The following ADD1 variants were observed in gnomAD, a reference collection of about 807,000 sequenced individuals.
ADD1 encodes adducin 1, also known as alpha-adducin.
Under a neutral mutation model 80.5 loss-of-function variants are expected in ADD1, and 24 were observed. The observed-to-expected ratio is 0.30, with a 90% CI of 0.22 to 0.42. ADD1 has a LOEUF of 0.42. ADD1 is among the 10% of genes least tolerant of loss of function. The pLI, the probability that ADD1 is intolerant of heterozygous loss-of-function variation, is 1.00. For synonymous variants in ADD1, 373 were observed against 393.8 expected, an observed-to-expected ratio of 0.95 and a Z score of 0.63; for missense variants, 948 against 1,019.0, an observed-to-expected ratio of 0.93 and a Z score of 0.95.
chr4:2,914,836 C>T (rs1238417607), intron 13 of ADD1, 48 bp from the exon 14 acceptor site: 1 of 1,540,728 alleles, frequency 6.5e-7, no homozygotes, highest in Non-Finnish European at 8.7e-7. Flanking sequence ...GAGGGAGAGT[C>T]CCCATCGGGC....
At chr4:2,859,001 C>T (rs986480737) in intron 1 of ADD1, among the ~76,000 whole-genome samples, 3 of 152,152 alleles carry the variant, frequency 2.0e-5, no homozygotes, top group Non-Finnish European at 4.4e-5. Context: ...ATGAAGTGAT[C>T]GTAGGGCGTT....
intron 13 of ADD1, among the ~76,000 whole-genome samples, chr4:2,910,593 G>A (rs1163682941): frequency 6.6e-6 from 1 of 151,938 alleles, no homozygotes; most frequent in Non-Finnish European, 1.5e-5. Context: ...CATGAGCCCA[G>A]CTGGCCTCCT....
chr4:2,911,272 C>T (rs1737974094), intron 13 of ADD1, among the ~76,000 whole-genome samples: 1 of 152,066 alleles, frequency 6.6e-6, no homozygotes, highest in African/African-American at 2.4e-5. Context: ...CTTTCCTTTG[C>T]CTTCCATTTC....
At chr4:2,881,820 A>G (rs760130500) in intron 2 of ADD1, 78 bp from the exon 3 acceptor site, 62 of 1,340,416 alleles carry the variant, frequency 4.6e-5, no homozygotes, top group Non-Finnish European at 5.6e-5. Flanking sequence ...AAATTGGTCT[A>G]TGTGATAGCT....
chr4:2,899,317 A>C lies in ADD1; in HGVS notation c.1043A>C (p.Lys348Thr), dbSNP rs767342840. The C allele has an allele frequency of 6.2e-6, 10 of 1,614,222 alleles. No individual in the cohort carries two copies. The highest frequency in any genetic ancestry group is 8.5e-6 in the Non-Finnish European group (10 of 1,180,042). ...AACTTAGTCCTGCTGAATCCTGAGA[A>C]GTACAAAGCCAAGTCCCGTTCCCCA... ...PDNLVLLNPE[K>T]YKAKSRSPGS... The change falls in exon 9 of 16, where the codon AAG (lysine) becomes ACG (threonine). Residue 348 changes from lysine to threonine, a missense_variant. Physicochemically the swap from Lys to Thr is moderately conservative, Grantham distance 78 (BLOSUM62 -1). Coordinates refer to ENST00000683351, the MANE Select transcript of ADD1 (RefSeq NM_001354761.2).
At chr4:2,889,685 A>G (rs1332577659) in intron 4 of ADD1, among the ~76,000 whole-genome samples, 1 of 152,062 alleles carries the variant, frequency 6.6e-6, no homozygotes, top group African/African-American at 2.4e-5. Flanking sequence ...TTGGCCAGGC[A>G]TGGTGGTGTG....
chr4:2,898,035 G>GT, intron 6 of ADD1, 149 bp from the exon 7 acceptor site: 1 of 1,074,456 alleles, frequency 9.3e-7, no homozygotes. Flanking sequence ...TGGAAACCAA[G>GT]TTTGTCTTAA....
chr4:2,898,102 C>G, intron 6 of ADD1, 82 bp from the exon 7 acceptor site: 1 of 1,454,410 alleles, frequency 6.9e-7, no homozygotes, highest in South Asian at 1.4e-5. Flanking sequence ...CATTTTATTT[C>G]TGTGAGGAAA....
rs373130926 is a variant in ADD1, at chr4:2,904,714, T to C, written c.1162-50T>C. 8 of 1,531,708 alleles carry C rather than the reference T, an allele frequency of 5.2e-6. No homozygotes were observed. In the African/African-American group the frequency reaches 9.6e-5, roughly 18 times the overall value. 94.9% of individuals were successfully genotyped at this position (1,531,708 alleles called of 1,614,324 possible). A position where few individuals can be genotyped will look rare whatever the true frequency, so the allele number is the denominator to read the frequency against. Reference sequence around the variant, plus strand: ...CACATGATTTTCCAAAGTGAAACCCTGTTTTGAGATCTGGAATATTGACTG... The same window carrying C: ...CACATGATTTTCCAAAGTGAAACCCCGTTTTGAGATCTGGAATATTGACTG... On this transcript the variant is annotated intron_variant, in intron 9 of 15. Transcript: ENST00000683351.
chr4:2,882,189 G>A (rs1232533930), intron 3 of ADD1, 129 bp downstream of exon 3: 4 of 885,172 alleles, frequency 4.5e-6, no homozygotes, highest in Non-Finnish European at 6.6e-6. Context: ...GAAAATTAAT[G>A]TGTTTTCGTT....
At chr4:2,885,692 C>T (rs1733159519) in intron 4 of ADD1, among the ~76,000 whole-genome samples, 1 of 151,892 alleles carries the variant, frequency 6.6e-6, no homozygotes, top group Non-Finnish European at 1.5e-5. Flanking sequence ...TCACTGCAAG[C>T]TCCGCCTCCC....
intron 4 of ADD1, among the ~76,000 whole-genome samples, chr4:2,885,452 C>T (rs1733100182): frequency 6.6e-6 from 1 of 152,144 alleles, no homozygotes; most frequent in East Asian, 1.9e-4. Flanking sequence ...AGACTCCTGA[C>T]CTCCTTCTTC....
At chr4:2,876,136 C>A in intron 2 of ADD1, 26 bp downstream of exon 2, 2 of 1,593,102 alleles carry the variant, frequency 1.3e-6, no homozygotes, top group Non-Finnish European at 1.7e-6. Context: ...TTTTCTCTGA[C>A]CAGATGTCAT....
At chr4:2,876,871 G>A (rs1238253359) in intron 2 of ADD1, among the ~76,000 whole-genome samples, 2 of 151,544 alleles carry the variant, frequency 1.3e-5, no homozygotes, top group African/African-American at 4.8e-5. Context: ...GCATAGTGGC[G>A]CATGCCTGTA....
rs550266419 is a variant in ADD1 at position 2,926,000 on chromosome 4, T to C, written c.1949-14T>C. ...GTCCACAGCTCCTACCATATCCTTC[T>C]TGCTTCTCTGCAGAGAATCTGGACG... On this transcript the variant is annotated splice_polypyrimidine_tract_variant and intron_variant, in intron 14 of 15. Transcript: ENST00000683351. The C allele has an allele frequency of 3.7e-6, 6 of 1,612,500 alleles. No individual in the cohort carries two copies. The African/African-American group carries it at 6.7e-5, about 18-fold the overall frequency.
chr4:2,878,592 AAG>A (rs770536871), intron 2 of ADD1, among the ~76,000 whole-genome samples: 8 of 152,164 alleles, frequency 5.3e-5, no homozygotes, highest in Non-Finnish European at 1.0e-4. Context: ...ATGCAGAGAT[AAG>A]AGAGTAAAGT....
chr4:2,911,266 C>G (rs1467413601), intron 13 of ADD1, among the ~76,000 whole-genome samples: 3 of 152,028 alleles, frequency 2.0e-5, no homozygotes, highest in African/African-American at 7.3e-5. Context: ...AAAGGACTTT[C>G]CTTTGCCTTC....
rs996943523 is a variant in ADD1 at position 2,844,035 on chromosome 4, C to G, written c.-21+11C>G. On this transcript the variant is annotated intron_variant, in intron 1 of 15. Transcript: ENST00000683351. ...CGATTCGCTTCTGAGGTGAGGCTAG[C>G]TAGCGGGGGCGGCGGGGGCCCGGTT... is the stretch of plus-strand genomic sequence containing the variant. 1.0e-4 allele frequency: 15 copies of G among 150,322 alleles called. No homozygotes were observed. The highest frequency in any genetic ancestry group is 3.2e-4 in the African/African-American group (13 of 40,262). 9.3% of individuals were successfully genotyped at this position (150,322 alleles called of 1,614,324 possible). A position where few individuals can be genotyped will look rare whatever the true frequency, so the allele number is the denominator to read the frequency against.
At chr4:2,856,253 C>G (rs574874303) in intron 1 of ADD1, among the ~76,000 whole-genome samples, 1 of 152,222 alleles carries the variant, frequency 6.6e-6, no homozygotes. Flanking sequence ...ACAGTTATTT[C>G]TTTTCAGCAT....
Sources: allele counts gnomAD v4.1 joint callset (sites outside exome capture counted in the v4.1 genomes callset), GRCh38; gene constraint gnomAD v4.1.1; transcripts MANE v1.5; gene names NCBI Gene and HGNC (gene_info 2026-07-23, HGNC 2026-07-21).